Variants in TGFB2 observed in about 807,000 individuals in gnomAD.
The protein encoded by TGFB2 is transforming growth factor beta 2.
In TGFB2, 13 loss-of-function variants were observed where a neutral mutation model predicts 42.7. That is an observed-to-expected ratio of 0.30 (90% CI 0.20 to 0.48). The LOEUF (loss-of-function observed/expected upper bound fraction) is 0.48, where lower values mean the gene tolerates loss of function less well. TGFB2 is among the 20% of genes least tolerant of loss of function. TGFB2 has a pLI of 0.99. For missense variants in TGFB2, 390 were observed against 517.5 expected (o/e 0.75, Z 2.39); for synonymous variants, 193 against 193.6 (o/e 1.00, Z 0.03).
At chr1:218,428,137 G>GAGA (rs1188237873) in intron 2 of TGFB2, among the ~76,000 whole-genome samples, 1 of 152,172 alleles carries the variant, frequency 6.6e-6, no homozygotes, top group Non-Finnish European at 1.5e-5. Flanking sequence ...GTCTTCTTTT[G>GAGA]AGAAGTGTCT....
intron 1 of TGFB2, among the ~76,000 whole-genome samples, chr1:218,348,731 TTCAG>T (rs1462446388): frequency 6.6e-6 from 1 of 152,092 alleles, no homozygotes; most frequent in East Asian, 1.9e-4. Context: ...AAACAAGGAG[TTCAG>T]TCAGTTTGCT....
At chr1:218,393,792 A>G (rs747604834) in intron 1 of TGFB2, among the ~76,000 whole-genome samples, 4 of 152,114 alleles carry the variant, frequency 2.6e-5, no homozygotes, top group Non-Finnish European at 5.9e-5. Flanking sequence ...ACCTGCCCCG[A>G]TGAGGCCATT....
At chr1:218,424,171 G>A (rs1410949886) in intron 2 of TGFB2, among the ~76,000 whole-genome samples, 1 of 152,196 alleles carries the variant, frequency 6.6e-6, no homozygotes, top group Non-Finnish European at 1.5e-5. Context: ...CCAGGAAGGA[G>A]GTAACTAAGA....
intron 2 of TGFB2, among the ~76,000 whole-genome samples, chr1:218,413,460 T>C (rs898314950): frequency 6.6e-6 from 1 of 152,192 alleles, no homozygotes; most frequent in African/African-American, 2.4e-5. Context: ...TTCTTGACTG[T>C]GGCCTGAGAA....
chr1:218,408,577 C>A lies in TGFB2; in HGVS notation c.510+3245C>A, dbSNP rs1658991085. Among the ~76,000 whole-genome samples the A allele has an allele frequency of 4.6e-5, 7 of 152,190 alleles. 1 individual carries two copies. In the South Asian group the frequency reaches 1.5e-3, roughly 32 times the overall value. ...ACAACTCCTGAAGCACAGACAAGGTCCAGAGAGCAAGTCAAAGAGATCCTT... is the reference window on the plus strand; with the variant it reads ...ACAACTCCTGAAGCACAGACAAGGTACAGAGAGCAAGTCAAAGAGATCCTT... On this transcript the variant is annotated intron_variant, in intron 2 of 6. Transcript: ENST00000366930.
chr1:218,429,872 T>G (rs1659751184), intron 2 of TGFB2, among the ~76,000 whole-genome samples: 1 of 152,204 alleles, frequency 6.6e-6, no homozygotes, highest in Non-Finnish European at 1.5e-5. Flanking sequence ...GTATATCATT[T>G]CATGCTTTCT....
Position 218,405,161 on chromosome 1 carries a change from T to G in TGFB2, c.347-8T>G. ...ATCATTTTCAATGATTGCCCTAATT[T>G]TTTACAGATGCCATCCCGCCCACTT... is the stretch of plus-strand genomic sequence containing the variant. On this transcript the variant is annotated splice_polypyrimidine_tract_variant and splice_region_variant and intron_variant, in intron 1 of 6. Transcript: ENST00000366930. 1 of 1,567,012 alleles carries G rather than the reference T, an allele frequency of 6.4e-7. No individual in the cohort carries two copies. The highest frequency in any genetic ancestry group is 8.7e-7 in the Non-Finnish European group (1 of 1,153,786).
At chr1:218,363,475 T>C in intron 1 of TGFB2, 1 of 1,525,804 alleles carries the variant, frequency 6.6e-7, no homozygotes, top group Middle Eastern at 1.8e-4. Context: ...AATCCATCTT[T>C]AGTGTTTGTC....
rs61624536 is a variant in TGFB2, at chr1:218,402,051, G to A, written c.347-3118G>A. 2.6e-3 allele frequency among the ~76,000 whole-genome samples: 403 copies of A among 152,342 alleles called. 2 individuals are homozygous for A. The highest frequency in any genetic ancestry group is 9.2e-3 in the African/African-American group (384 of 41,584). On this transcript the variant is annotated intron_variant, in intron 1 of 6. Coordinates refer to ENST00000366930, the MANE Select transcript of TGFB2 (RefSeq NM_003238.6). ...ACAGGACAGCTGGCATCAACCCCTG[G>A]AAGGGGTAGTTGGTTCTTCAGTTGA...
chr1:218,415,416 C>T (rs552037839), intron 2 of TGFB2, among the ~76,000 whole-genome samples: 40 of 152,104 alleles, frequency 2.6e-4, no homozygotes, highest in African/African-American at 8.4e-4. Context: ...ATGAGCAGGC[C>T]GGGCGCGGTG....
chr1:218,372,387 G>A (rs1006319551), intron 1 of TGFB2, among the ~76,000 whole-genome samples: 2 of 152,112 alleles, frequency 1.3e-5, no homozygotes, highest in African/African-American at 2.4e-5. Flanking sequence ...AGCTGACTTC[G>A]TATGTGTTCA....
At chr1:218,388,075 T>G (rs912045319) in intron 1 of TGFB2, among the ~76,000 whole-genome samples, 11 of 152,278 alleles carry the variant, frequency 7.2e-5, no homozygotes, top group Admixed American at 5.2e-4. Context: ...CACAGAGGAA[T>G]GGACGTGGAA....
intron 1 of TGFB2, among the ~76,000 whole-genome samples, chr1:218,380,778 G>A (rs1169223040): frequency 6.6e-6 from 1 of 152,116 alleles, no homozygotes; most frequent in Non-Finnish European, 1.5e-5. Context: ...GAATGAGTAG[G>A]TAGCTGGGAA....
At position 218,346,689 on chromosome 1, in the gene TGFB2, A is replaced by C; in HGVS notation, c.-13A>C. ...ACTTTTAAAAACAACTTTTTTTTCC[A>C]CTTTTTTAAAAAATGCACTACTGTG... On this transcript the variant is annotated 5_prime_UTR_variant, in exon 1 of 7. Coordinates refer to ENST00000366930, the MANE Select transcript of TGFB2 (RefSeq NM_003238.6). The surrounding 1 kb of genome is among the most constrained non-coding windows in gnomAD (Gnocchi z 4.9). 1 of 1,564,242 alleles carries C rather than the reference A, an allele frequency of 6.4e-7. No homozygotes were observed. Among genetic ancestry groups the C allele is most frequent in the Non-Finnish European group, 8.6e-7 (1 of 1,160,596 alleles).
At chr1:218,361,769 C>T (rs1274722124) in intron 1 of TGFB2, among the ~76,000 whole-genome samples, 1 of 152,218 alleles carries the variant, frequency 6.6e-6, no homozygotes, top group African/African-American at 2.4e-5. Flanking sequence ...TCCAGTGTAG[C>T]TTCCTGTCTT....
At chr1:218,406,486 A>G (rs1193362799) in intron 2 of TGFB2, among the ~76,000 whole-genome samples, 3 of 152,320 alleles carry the variant, frequency 2.0e-5, no homozygotes, top group South Asian at 2.1e-4. Flanking sequence ...CAAGATCCGC[A>G]GGTGCTTCTT....
At chr1:218,357,567 G>A (rs537241964) in intron 1 of TGFB2, among the ~76,000 whole-genome samples, 3 of 152,174 alleles carry the variant, frequency 2.0e-5, no homozygotes, top group Non-Finnish European at 4.4e-5. Flanking sequence ...TCAAATGAAC[G>A]CTTGGATTTG....
intron 1 of TGFB2, among the ~76,000 whole-genome samples, chr1:218,389,717 G>A (rs1379788156): frequency 2.6e-5 from 4 of 152,148 alleles, no homozygotes. Context: ...TAACCTTTCA[G>A]GCACTACACA....
intron 5 of TGFB2, 78 bp downstream of exon 5, chr1:218,436,225 A>T: frequency 6.7e-7 from 1 of 1,492,704 alleles, no homozygotes; most frequent in East Asian, 2.3e-5. Context: ...TTTACTGTGT[A>T]TTGACCCAAG....
Sources: allele counts gnomAD v4.1 joint callset (sites outside exome capture counted in the v4.1 genomes callset), GRCh38; gene constraint gnomAD v4.1.1; non-coding constraint Gnocchi (gnomAD v3.1); transcripts MANE v1.5; gene names NCBI Gene and HGNC (gene_info 2026-07-23, HGNC 2026-07-21).